The following ABCA1 variants were observed in gnomAD, a reference collection of about 807,000 sequenced individuals.
ABCA1 encodes the protein phospholipid-transporting ATPase ABCA1.
In ABCA1, 133 loss-of-function variants were observed where a neutral mutation model predicts 262.5. That is an observed-to-expected ratio of 0.51 (90% CI 0.44 to 0.59). ABCA1 has a LOEUF of 0.59. ABCA1 is among the 20% of genes least tolerant of loss of function. The probability of loss-of-function intolerance (pLI) is 0.00; values close to 1 mark genes in which losing one functional copy is unlikely to be tolerated. For synonymous variants in ABCA1, 1,022 were observed against 1,043.5 expected (o/e 0.98, Z 0.40); for missense variants, 2,452 against 2,777.5 (o/e 0.88, Z 2.63).
chr9:104,871,907 C>T (rs577343616), intron 5 of ABCA1, among the ~76,000 whole-genome samples: 16 of 152,140 alleles, frequency 1.1e-4, no homozygotes, highest in Non-Finnish European at 2.4e-4. Context: ...CAACATGGGA[C>T]TAGAATCAGC....
At chr9:104,840,088 G>T (rs1316019747) in intron 9 of ABCA1, among the ~76,000 whole-genome samples, 191 bp downstream of exon 9, 1 of 152,202 alleles carries the variant, frequency 6.6e-6, no homozygotes, top group African/African-American at 2.4e-5. Flanking sequence ...GTGCCAGGCT[G>T]CATTCAGAGA....
Position 104,903,723 on chromosome 9 carries a change from G to T in ABCA1, c.-44C>A, listed in dbSNP as rs745389990. On this transcript the variant is annotated 5_prime_UTR_variant, in exon 2 of 50. Coordinates refer to ENST00000374736, the MANE Select transcript of ABCA1 (RefSeq NM_005502.4). ...CCCAGCGTGTGGCTCGGGAGCCCTG[G>T]AAGGCAGCGGCCAGAGCTCACAGCA... 58 of 1,548,714 alleles carry T rather than the reference G, an allele frequency of 3.7e-5. No individual in the cohort carries two copies. The highest frequency in any genetic ancestry group is 4.7e-5 in the Non-Finnish European group (54 of 1,142,892).
At position 104,879,000 on chromosome 9, in the gene ABCA1, A is replaced by T. The variant is rs1334979780; in HGVS notation, c.421+4039T>A. 2.0e-5 allele frequency among the ~76,000 whole-genome samples: 3 copies of T among 152,128 alleles called. No homozygotes were observed. In the East Asian group the frequency reaches 5.8e-4, roughly 29 times the overall value. ...ACAGAATCAAGAATCACTTGAACCC[A>T]GGAGGCAGAGGCTGCAGTGAGCCAA... is the stretch of plus-strand genomic sequence containing the variant. On this transcript the variant is annotated intron_variant, in intron 5 of 49. Coordinates refer to ENST00000374736, the MANE Select transcript of ABCA1 (RefSeq NM_005502.4).
intron 28 of ABCA1, 70 bp downstream of exon 28, chr9:104,812,504 C>A (rs188559512): frequency 1.9e-5 from 30 of 1,595,602 alleles, no homozygotes; most frequent in Non-Finnish European, 2.6e-5. Flanking sequence ...TGCTATCCTG[C>A]CTTCACTGGT....
intron 29 of ABCA1, 27 bp downstream of exon 29, chr9:104,810,773 C>A (rs372227317): frequency 4.3e-6 from 7 of 1,614,052 alleles, no homozygotes; most frequent in South Asian, 2.2e-5. Flanking sequence ...ATCTTACCCC[C>A]TCCTGGGATG....
intron 7 of ABCA1, among the ~76,000 whole-genome samples, chr9:104,852,253 C>A (rs1198245399): frequency 6.6e-6 from 1 of 152,162 alleles, no homozygotes; most frequent in Non-Finnish European, 1.5e-5. Flanking sequence ...TATCACCACC[C>A]AGGAGTAATT....
At chr9:104,795,445 GAAATCTGCAACAGC>G (rs1829814657) in intron 39 of ABCA1, among the ~76,000 whole-genome samples, 1 of 152,226 alleles carries the variant, frequency 6.6e-6, no homozygotes, top group South Asian at 2.1e-4. Context: ...TTGAATGTGG[GAAATCTGCAACAGC>G]AAAGCAAGCA....
chr9:104,833,095 T>C (rs945866433), intron 11 of ABCA1, among the ~76,000 whole-genome samples: 11 of 152,188 alleles, frequency 7.2e-5, no homozygotes, highest in Admixed American at 2.0e-4. Context: ...ACAACAATAC[T>C]TCCTTTATAT....
chr9:104,844,222 G>A (rs1044386884), intron 8 of ABCA1, among the ~76,000 whole-genome samples: 9 of 152,052 alleles, frequency 5.9e-5, no homozygotes, highest in African/African-American at 2.2e-4. Context: ...GGGCCCTAGA[G>A]AAATAGCTAC....
intron 36 of ABCA1, chr9:104,799,394 TCACACACACACACACA>T (rs3983647): frequency 2.7e-4 from 149 of 553,284 alleles, no homozygotes; most frequent in Non-Finnish European, 2.4e-4. Flanking sequence ...GCTTTAAACT[TCACACACACACACACA>T]CACACACACA....
chr9:104,918,658 A>G (rs1841971495), intron 1 of ABCA1, among the ~76,000 whole-genome samples: 1 of 152,106 alleles, frequency 6.6e-6, no homozygotes, highest in Non-Finnish European at 1.5e-5. Flanking sequence ...CTTCTCTCTC[A>G]CAGTACCAGA....
At chr9:104,918,026 T>G (rs73664377) in intron 1 of ABCA1, among the ~76,000 whole-genome samples, 17,099 of 152,282 alleles carry the variant, frequency 0.11, 1,185 homozygotes, top group African/African-American at 0.2. Context: ...TTACAAAAAT[T>G]TGAGTCAACT....
At position 104,884,423 on chromosome 9, in the gene ABCA1, T is replaced by C. The variant is rs1440595323; in HGVS notation, c.302+4A>G. On this transcript the variant is annotated splice_donor_region_variant and intron_variant, in intron 4 of 49. Coordinates refer to ENST00000374736, the MANE Select transcript of ABCA1 (RefSeq NM_005502.4). The stretch of plus-strand genomic sequence containing the variant: ...TTGGAAAGAAAACCTGATCTGATAC[T>C]TACATGGATTTGTTAAAGTTTCCAA... 1 of 1,614,208 alleles carries C rather than the reference T, an allele frequency of 6.2e-7. No individual in the cohort carries two copies. The highest frequency in any genetic ancestry group is 1.7e-5 in the Admixed American group (1 of 60,028).
intron 7 of ABCA1, among the ~76,000 whole-genome samples, chr9:104,847,692 T>C (rs1025389419): frequency 2.0e-5 from 3 of 152,218 alleles, no homozygotes; most frequent in African/African-American, 7.2e-5. Context: ...CTGTCTCTAA[T>C]TGTATAATTA....
chr9:104,909,614 AC>A (rs1564290578), intron 1 of ABCA1, among the ~76,000 whole-genome samples: 25 of 57,054 alleles, frequency 4.4e-4, no homozygotes, highest in African/African-American at 1.6e-3. Context: ...AAATACACAC[AC>A]ACACACACAC....
chr9:104,909,938 A>G (rs778793659), intron 1 of ABCA1, among the ~76,000 whole-genome samples: 8 of 152,220 alleles, frequency 5.3e-5, no homozygotes, highest in Non-Finnish European at 8.8e-5. Flanking sequence ...AAATCTGTCT[A>G]TGGAAACACA....
intron 5 of ABCA1, among the ~76,000 whole-genome samples, chr9:104,868,713 A>G (rs1837310026): frequency 6.6e-6 from 1 of 152,224 alleles, no homozygotes; most frequent in Admixed American, 6.5e-5. Flanking sequence ...GAAAGGAAAA[A>G]GAACAAAAAA....
At chr9:104,810,673 G>A in intron 29 of ABCA1, 127 bp downstream of exon 29, 1 of 1,449,530 alleles carries the variant, frequency 6.9e-7, no homozygotes, top group Non-Finnish European at 9.7e-7. Context: ...AGCTTATACA[G>A]GGACCTGAGC....
At chr9:104,787,741 G>T in intron 46 of ABCA1, 179 bp downstream of exon 46, 4 of 782,652 alleles carry the variant, frequency 5.1e-6, no homozygotes, top group South Asian at 1.2e-4. Flanking sequence ...TGCAGGCATG[G>T]TACAGCCACC....
Sources: gnomAD v4.1 joint callset for allele counts (sites outside exome capture counted in the v4.1 genomes callset) on GRCh38, gnomAD v4.1.1 for gene constraint, MANE v1.5 for transcripts, NCBI Gene and HGNC (gene_info 2026-07-23, HGNC 2026-07-21) for gene names.